Variants in ARL15 observed in about 807,000 individuals in gnomAD.
ARL15 encodes ADP-ribosylation factor-like protein 15.
Under a neutral mutation model 25.2 loss-of-function variants are expected in ARL15, and 19 were observed. That is an observed-to-expected ratio of 0.75 (90% CI 0.53 to 1.10). The LOEUF is 1.10. ARL15 is among the 50% of genes least tolerant of loss of function. ARL15 has a pLI of 0.00. For missense variants in ARL15, 220 were observed against 246.0 expected, an observed-to-expected ratio of 0.89 and a Z score of 0.71; for synonymous variants, 94 against 86.8, an observed-to-expected ratio of 1.08 and a Z score of -0.46.
chr5:54,140,862 A>G (rs987547392), intron 3 of ARL15, among the ~76,000 whole-genome samples: 6 of 152,142 alleles, frequency 3.9e-5, no homozygotes, highest in African/African-American at 1.2e-4. Flanking sequence ...TACACAAAAC[A>G]CAAACTGTCT....
intron 1 of ARL15, among the ~76,000 whole-genome samples, chr5:54,274,807 C>T (rs553446716): frequency 6.6e-6 from 1 of 152,148 alleles, no homozygotes; most frequent in South Asian, 2.1e-4. Flanking sequence ...GGCAAGAGAA[C>T]TGCTTGAACC....
At chr5:54,149,322 C>G (rs932417785) in intron 3 of ARL15, among the ~76,000 whole-genome samples, 1 of 151,944 alleles carries the variant, frequency 6.6e-6, no homozygotes, top group African/African-American at 2.4e-5. Context: ...CCAGTGAGGG[C>G]CTTTTCGAGT....
intron 4 of ARL15, among the ~76,000 whole-genome samples, chr5:53,950,617 C>T (rs1428762883): frequency 6.6e-6 from 1 of 152,106 alleles, no homozygotes; most frequent in Admixed American, 6.6e-5. Flanking sequence ...ATTAAAATAG[C>T]CTATTACTAC....
chr5:54,121,140 A>G (rs1254975464), intron 3 of ARL15, among the ~76,000 whole-genome samples: 1 of 152,202 alleles, frequency 6.6e-6, no homozygotes, highest in East Asian at 1.9e-4. Flanking sequence ...CCTCACTTTG[A>G]GTGTTTTTTC....
At chr5:53,903,340 T>C (rs1745129864) in intron 4 of ARL15, among the ~76,000 whole-genome samples, 1 of 152,124 alleles carries the variant, frequency 6.6e-6, no homozygotes, top group Non-Finnish European at 1.5e-5. Context: ...AACTGTACCT[T>C]CCCACGGGAC....
At chr5:53,961,456 C>G (rs536663073) in intron 4 of ARL15, among the ~76,000 whole-genome samples, 1 of 128,466 alleles carries the variant, frequency 7.8e-6, no homozygotes, top group African/African-American at 3.0e-5. Flanking sequence ...CAAGGTAGTA[C>G]TATCGCACTC....
Position 54,021,575 on chromosome 5 carries a change from A to T in ARL15, c.462+91627T>A, listed in dbSNP as rs539945866. On this transcript the variant is annotated intron_variant, in intron 4 of 4. Transcript: ENST00000504924. ...TTAACAGAACAACAGAAATTACTCA[A>T]TCTGAACAACAAAGAGAAAAAGTCT... 2.6e-5 allele frequency among the ~76,000 whole-genome samples: 4 copies of T among 152,318 alleles called. No homozygotes were observed. The East Asian group carries it at 5.8e-4, about 22-fold the overall frequency.
intron 1 of ARL15, among the ~76,000 whole-genome samples, chr5:54,281,045 T>C (rs1399172282): frequency 6.6e-6 from 1 of 151,864 alleles, no homozygotes; most frequent in Non-Finnish European, 1.5e-5. Flanking sequence ...AATATTTACA[T>C]ACAAAAAGTA....
Position 54,292,783 on chromosome 5 carries a change from C to T in ARL15, c.48+17649G>A, listed in dbSNP as rs148830305. Among the ~76,000 whole-genome samples the T allele has an allele frequency of 2.1e-3, 320 of 152,084 alleles. 2 individuals carry two copies. The highest frequency in any genetic ancestry group is 7.3e-3 in the African/African-American group (303 of 41,466). The stretch of plus-strand genomic sequence containing the variant: ...CACTCAGCGCTCACAATTAGAGCAA[C>T]GTGGGTATTTCCAGGCCTGTTTCTC... On this transcript the variant is annotated intron_variant, in intron 1 of 4. Transcript: ENST00000504924.
rs146882824 is a variant in ARL15, at chr5:53,999,244, G to A, written c.463-112531C>T. 7.2e-5 allele frequency among the ~76,000 whole-genome samples: 11 copies of A among 152,326 alleles called. No homozygotes were observed. The East Asian group carries it at 1.9e-3, about 27-fold the overall frequency. ...AGGAAAACAAGTAGGCATGTGCAAT[G>A]CTAAAATAAGCTCAGGAAGAAGGGA... On this transcript the variant is annotated intron_variant, in intron 4 of 4. Coordinates refer to ENST00000504924, the MANE Select transcript of ARL15 (RefSeq NM_019087.3).
At chr5:53,887,175 A>G (rs1213392289) in intron 4 of ARL15, among the ~76,000 whole-genome samples, 1 of 152,236 alleles carries the variant, frequency 6.6e-6, no homozygotes, top group Admixed American at 6.5e-5. Flanking sequence ...CATCAAGCAC[A>G]TAACACAACA....
chr5:54,222,657 T>C (rs978354657), intron 1 of ARL15, among the ~76,000 whole-genome samples: 19 of 152,128 alleles, frequency 1.2e-4, no homozygotes, highest in African/African-American at 4.6e-4. Flanking sequence ...GATTCCTTCT[T>C]TCCCATTCCA....
chr5:54,310,308 G>T, intron 1 of ARL15, 124 bp downstream of exon 1: 2 of 1,124,294 alleles, frequency 1.8e-6, no homozygotes, highest in Non-Finnish European at 2.5e-6. Flanking sequence ...CCGGCTGCGG[G>T]AGAAAGAACC....
At chr5:54,104,035 G>T (rs1222190862) in intron 4 of ARL15, among the ~76,000 whole-genome samples, 2 of 152,262 alleles carry the variant, frequency 1.3e-5, no homozygotes, top group Admixed American at 1.3e-4. Context: ...TTTAATTACA[G>T]TATATAGTTT....
At chr5:54,155,676 C>G (rs1754205811) in intron 2 of ARL15, among the ~76,000 whole-genome samples, 2 of 85,744 alleles carry the variant, frequency 2.3e-5, no homozygotes, top group African/African-American at 9.7e-5. Context: ...GTGTATATAC[C>G]CATTCACACA....
chr5:54,015,188 G>A lies in ARL15; in HGVS notation c.462+98014C>T, dbSNP rs374454467. Among the ~76,000 whole-genome samples the A allele has an allele frequency of 7.2e-4, 109 of 151,900 alleles. 1 individual carries two copies. The South Asian group carries it at 0.022, about 31-fold the overall frequency. ...GGGCACCTGTAATAGCTACTCAGGA[G>A]GCTGAGGCAGGAGAGATTGCTTGAA... On this transcript the variant is annotated intron_variant, in intron 4 of 4. Coordinates refer to ENST00000504924, the MANE Select transcript of ARL15 (RefSeq NM_019087.3).
intron 1 of ARL15, among the ~76,000 whole-genome samples, chr5:54,175,415 A>T (rs1278964195): frequency 6.6e-6 from 1 of 150,724 alleles, no homozygotes. Context: ...GCTCACAGCA[A>T]CCTCCACCTC....
intron 3 of ARL15, among the ~76,000 whole-genome samples, chr5:54,151,397 C>G (rs1190265676): frequency 6.6e-6 from 1 of 152,048 alleles, no homozygotes; most frequent in African/African-American, 2.4e-5. Flanking sequence ...TTTCCTATTT[C>G]TCTTTTCATG....
chr5:53,965,837 T>G (rs766882848), intron 4 of ARL15, among the ~76,000 whole-genome samples: 4 of 152,172 alleles, frequency 2.6e-5, no homozygotes, highest in Non-Finnish European at 4.4e-5. Context: ...TGAGATACCA[T>G]TTTTCATCTA....
Sources: gnomAD v4.1 joint callset for allele counts (sites outside exome capture counted in the v4.1 genomes callset) on GRCh38, gnomAD v4.1.1 for gene constraint, MANE v1.5 for transcripts, NCBI Gene and HGNC (gene_info 2026-07-23, HGNC 2026-07-21) for gene names.